SMAD9: variants seen among roughly 807,000 people sequenced by gnomAD.
SMAD9 encodes MAD homolog 9.
In SMAD9, 36 loss-of-function variants were observed where a neutral mutation model predicts 46.1. The ratio of observed to expected loss-of-function variants is 0.78; its 90% CI spans 0.60 to 1.03. The LOEUF is 1.03. Among genes scored for constraint, SMAD9 ranks in the 50% least tolerant of loss-of-function variants. The pLI is 0.00. For synonymous variants in SMAD9, 245 were observed against 237.1 expected (o/e 1.03, Z -0.31); for missense variants, 572 against 599.8 (o/e 0.95, Z 0.48).
chr13:36,865,044 CT>C (rs1369412498), intron 5 of SMAD9, among the ~76,000 whole-genome samples: 1 of 152,200 alleles, frequency 6.6e-6, no homozygotes, highest in Non-Finnish European at 1.5e-5. Context: ...CCCAATCAGC[CT>C]GCACACAGGA....
chr13:36,855,514 C>T (rs1271209252), intron 5 of SMAD9, among the ~76,000 whole-genome samples: 5 of 152,136 alleles, frequency 3.3e-5, no homozygotes, highest in African/African-American at 1.2e-4. Context: ...TGTGATTATA[C>T]ATATGATCAC....
intron 2 of SMAD9, among the ~76,000 whole-genome samples, chr13:36,875,178 A>G (rs1044879878): frequency 6.6e-6 from 1 of 152,148 alleles, no homozygotes; most frequent in Non-Finnish European, 1.5e-5. Context: ...AACTCATAAA[A>G]AGTAAATGTT....
intron 1 of SMAD9, among the ~76,000 whole-genome samples, chr13:36,901,214 C>CAGTAATTTT (rs1254476173): frequency 3.7e-4 from 56 of 152,306 alleles, no homozygotes; most frequent in African/African-American, 1.3e-3. Flanking sequence ...CTGGGTCATA[C>CAGTAATTTT]AGTAATTTTA....
chr13:36,859,093 C>T (rs528214380), intron 5 of SMAD9, among the ~76,000 whole-genome samples: 1 of 152,270 alleles, frequency 6.6e-6, no homozygotes, highest in South Asian at 2.1e-4. Context: ...ATCTTGTGAA[C>T]ATTTTCTCAG....
chr13:36,905,774 CAAAAAAAAAAAAAAAAAA>C (rs60358673), intron 1 of SMAD9, among the ~76,000 whole-genome samples: 1,142 of 66,420 alleles, frequency 0.017, 11 homozygotes, highest in Middle Eastern at 0.027. Flanking sequence ...GACCCTGTCT[CAAAAAAAAAAAAAAAAAA>C]AAAAAAAAAA....
chr13:36,849,687 GTATTTTAATGAGAAAAA>G (rs1248025957), intron 6 of SMAD9: 1 of 148,136 alleles, frequency 6.8e-6, no homozygotes, highest in Non-Finnish European at 1.5e-5. Context: ...TATTTATTTT[GTATTTTAATGAGAAAAA>G]TGAATACATC....
chr13:36,860,657 G>C (rs1344604639), intron 5 of SMAD9, among the ~76,000 whole-genome samples: 1 of 151,682 alleles, frequency 6.6e-6, no homozygotes, highest in Non-Finnish European at 1.5e-5. Flanking sequence ...GTTTCAGTGT[G>C]TTAGCCAGGA....
chr13:36,902,223 T>C (rs1390221249), intron 1 of SMAD9, among the ~76,000 whole-genome samples: 2 of 152,210 alleles, frequency 1.3e-5, no homozygotes, highest in Admixed American at 6.5e-5. Context: ...CCAGCACCAT[T>C]TGTTGAAGAC....
chr13:36,860,807 C>A lies in SMAD9; in HGVS notation c.1003+4730G>T, dbSNP rs548605134. Among the ~76,000 whole-genome samples the A allele has an allele frequency of 2.7e-4, 41 of 152,090 alleles. No individual in the cohort carries two copies. The East Asian group carries it at 3.1e-3, about 11-fold the overall frequency. On this transcript the variant is annotated intron_variant, in intron 5 of 6. Transcript: ENST00000379826. ...CAGTGGGGGTAGCTATCATCATCAT[C>A]ATATTATTATTATTTGATATGTCAT... is the stretch of plus-strand genomic sequence containing the variant.
chr13:36,872,965 TACACAACAGAGTG>T, intron 2 of SMAD9, 50 bp from the exon 3 acceptor site: 1 of 1,602,484 alleles, frequency 6.2e-7, no homozygotes, highest in Non-Finnish European at 8.5e-7. Context: ...TGCTCATCAG[TACACAACAGAGTG>T]GATACTTGCT....
chr13:36,914,430 A>G (rs1301182211), intron 1 of SMAD9, among the ~76,000 whole-genome samples: 4 of 152,252 alleles, frequency 2.6e-5, no homozygotes, highest in African/African-American at 9.6e-5. Flanking sequence ...GAAGCGGGAG[A>G]ATGGCATGAA....
intron 1 of SMAD9, among the ~76,000 whole-genome samples, chr13:36,885,382 A>AACACAC (rs58162253): frequency 2.5e-4 from 38 of 150,454 alleles, no homozygotes; most frequent in South Asian, 2.5e-3. Flanking sequence ...CTGGGCTTAA[A>AACACAC]ACACACACAC....
chr13:36,887,305 C>T (rs1000611758), intron 1 of SMAD9, among the ~76,000 whole-genome samples: 2 of 147,634 alleles, frequency 1.4e-5, no homozygotes, highest in Non-Finnish European at 3.0e-5. Context: ...TCATTGCAAC[C>T]TCCACTTCCT....
intron 1 of SMAD9, among the ~76,000 whole-genome samples, chr13:36,913,832 TAA>T (rs2058679062): frequency 6.6e-6 from 1 of 152,216 alleles, no homozygotes; most frequent in Non-Finnish European, 1.5e-5. Flanking sequence ...ACATGAGACC[TAA>T]AATCTTTTTA....
intron 1 of SMAD9, among the ~76,000 whole-genome samples, chr13:36,898,872 A>G (rs1389420739): frequency 3.3e-5 from 5 of 152,150 alleles, no homozygotes; most frequent in South Asian, 2.1e-4. Flanking sequence ...ACAGAAATCT[A>G]CTCTCACCAC....
At chr13:36,912,573 G>A (rs2058670168) in intron 1 of SMAD9, among the ~76,000 whole-genome samples, 1 of 152,146 alleles carries the variant, frequency 6.6e-6, no homozygotes, top group Non-Finnish European at 1.5e-5. Flanking sequence ...TATAGGACCA[G>A]CCATGCAAAC....
rs146836873 is a variant in SMAD9, at chr13:36,867,298, A to G, written c.756T>C (p.His252=). 4.3e-3 allele frequency: 6,663 copies of G among 1,550,138 alleles called. 22 individuals are homozygous for G. Among genetic ancestry groups the G allele is most frequent in the Middle Eastern group, 6.0e-3 (36 of 5,988 alleles). Residue 252 remains histidine, a synonymous_variant, in exon 4 of 7, where the codon CAT becomes CAC. Coordinates refer to ENST00000379826, the MANE Select transcript of SMAD9 (RefSeq NM_001127217.3). The part of the protein sequence containing the change: ...GQPVDATADR[H]VVLSIPNGDF... The stretch of plus-strand genomic sequence containing the variant: ...CTCCATTTGGTATCGATAGCACTAC[A>G]TGTCTATCAGCTGTGGCATCTACAG...
chr13:36,901,600 G>C (rs1223841417), intron 1 of SMAD9, among the ~76,000 whole-genome samples: 8 of 152,024 alleles, frequency 5.3e-5, no homozygotes, highest in Admixed American at 5.2e-4. Flanking sequence ...GCTAATTTTT[G>C]TATTTTTAGT....
chr13:36,919,664 A>G (rs1213187257), intron 1 of SMAD9, among the ~76,000 whole-genome samples: 1 of 129,154 alleles, frequency 7.7e-6, no homozygotes, highest in Non-Finnish European at 1.6e-5. Flanking sequence ...GTCCCTGCCC[A>G]CGCCCCGGGC....
Sources: allele counts gnomAD v4.1 joint callset (sites outside exome capture counted in the v4.1 genomes callset), GRCh38; gene constraint gnomAD v4.1.1; transcripts MANE v1.5; gene names NCBI Gene and HGNC (gene_info 2026-07-23, HGNC 2026-07-21).